Variants in PPP2R1B observed in about 807,000 individuals in gnomAD.
PPP2R1B encodes the protein serine/threonine-protein phosphatase 2A 65 kDa regulatory subunit A beta isoform.
A neutral mutation model predicts 72.7 loss-of-function variants in PPP2R1B; 58 were observed. The observed-to-expected ratio is 0.80, with a 90% CI of 0.65 to 0.99. The LOEUF is 0.99. Among genes scored for constraint, PPP2R1B ranks in the 50% least tolerant of loss-of-function variants. PPP2R1B has a pLI of 0.00. For missense variants in PPP2R1B, 695 were observed against 733.6 expected (o/e 0.95, Z 0.61); for synonymous variants, 256 against 264.6 (o/e 0.97, Z 0.32).
intron 8 of PPP2R1B, 65 bp downstream of exon 8, chr11:111,754,432 CAA>C (rs1261175188): frequency 6.5e-7 from 1 of 1,543,904 alleles, no homozygotes; most frequent in Non-Finnish European, 8.7e-7. Flanking sequence ...AACAAACAAA[CAA>C]AAATAATGAG....
Position 111,741,325 on chromosome 11 carries a change from G to A in PPP2R1B, c.*271C>T. 1 of 1,253,094 alleles carries A rather than the reference G, an allele frequency of 8.0e-7. No homozygotes were observed. Among genetic ancestry groups the A allele is most frequent in the Non-Finnish European group, 1.0e-6 (1 of 996,368 alleles). The allele number at this position is 1,253,094 out of a possible 1,614,324, so 77.6% of individuals were successfully genotyped here. On this transcript the variant is annotated 3_prime_UTR_variant, in exon 15 of 15. Coordinates refer to ENST00000527614, the MANE Select transcript of PPP2R1B (RefSeq NM_002716.5). ...ACAGTGAGGATGCAGGAGCCCAGGT[G>A]GTGATGGATAAAGCATTAGGAGACA...
At chr11:111,705,157 G>A in the PPP2R1B span, 4 of 1,546,830 alleles carry the variant, frequency 2.6e-6, no homozygotes, top group African/African-American at 4.3e-5. The surrounding 1 kb of genome is among the most constrained non-coding windows in gnomAD (Gnocchi z 4.3). Flanking sequence ...CCCCTTAGCT[G>A]AGAGTCTTAT....
At chr11:111,727,261 T>G in intron 15 of PPP2R1B, 1 of 596,006 alleles carries the variant, frequency 1.7e-6, no homozygotes. Flanking sequence ...ACCAGGGGAG[T>G]GGGGATGGGG....
At chr11:111,688,959 G>A in the PPP2R1B span, among the ~76,000 whole-genome samples, 755 of 152,274 alleles carry the variant, frequency 5.0e-3, 7 homozygotes, top group African/African-American at 0.017. The surrounding 1 kb of genome is among the most constrained non-coding windows in gnomAD (Gnocchi z 4.2). Flanking sequence ...CAAACTGCAT[G>A]GGAGTATAGG....
At chr11:111,722,558 T>C (rs1943834028), downstream of PPP2R1B, 1 of 1,054,072 alleles carries the variant, frequency 9.5e-7, no homozygotes, top group Non-Finnish European at 1.4e-6. This position sits in a 1 kb window ranked among gnomAD's most constrained non-coding sequence, Gnocchi z 4.4. Context: ...CCCGTGTGGA[T>C]TCTGTAGAAT....
the PPP2R1B span, among the ~76,000 whole-genome samples, chr11:111,711,577 T>C: frequency 1.3e-5 from 2 of 152,222 alleles, no homozygotes; most frequent in Non-Finnish European, 2.9e-5. Context: ...AGTAAGCTTC[T>C]CTCCTTCCAC....
At chr11:111,721,017 G>A in the PPP2R1B span, 430 of 1,614,068 alleles carry the variant, frequency 2.7e-4, 7 homozygotes, top group South Asian at 4.4e-3. Flanking sequence ...CTAACCTGGC[G>A]CCGGCGGCTC....
At position 111,752,155 on chromosome 11, in the gene PPP2R1B, T is replaced by C. The variant is rs1385283894; in HGVS notation, c.1338+4A>G. 1 of 1,603,380 alleles carries C rather than the reference T, an allele frequency of 6.2e-7. No homozygotes were observed. Among genetic ancestry groups the C allele is most frequent in the Non-Finnish European group, 8.5e-7 (1 of 1,175,550 alleles). On this transcript the variant is annotated splice_donor_region_variant and intron_variant, in intron 10 of 14. Coordinates refer to ENST00000527614, the MANE Select transcript of PPP2R1B (RefSeq NM_002716.5). ...CTGCAGTTCATGGAGCAACACATAC[T>C]CACCAGCTGGCCTGCCAGCAGCGGC... is the stretch of plus-strand genomic sequence containing the variant.
the PPP2R1B span, chr11:111,688,108 G>T: frequency 6.2e-7 from 1 of 1,614,044 alleles, no homozygotes; most frequent in Non-Finnish European, 8.5e-7. This position sits in a 1 kb window ranked among gnomAD's most constrained non-coding sequence, Gnocchi z 4.2. Flanking sequence ...TGTGCACCGT[G>T]ACCTCAAAGC....
chr11:111,765,918 CCTG>C, intron 1 of PPP2R1B: 2 of 514,866 alleles, frequency 3.9e-6, no homozygotes, highest in South Asian at 3.1e-5. Context: ...CCGCGCTTCT[CCTG>C]CTCCCTCGCC....
intron 3 of PPP2R1B, among the ~76,000 whole-genome samples, chr11:111,764,598 G>A (rs556016438): frequency 6.6e-6 from 1 of 151,850 alleles, no homozygotes; most frequent in African/African-American, 2.4e-5. Flanking sequence ...CAGAAAAGGA[G>A]GACGAAGTTC....
chr11:111,733,529 C>T (rs1171354523), downstream of PPP2R1B, among the ~76,000 whole-genome samples: 1 of 152,210 alleles, frequency 6.6e-6, no homozygotes, highest in African/African-American at 2.4e-5. Context: ...CAGCTCCTCA[C>T]TCCCCAAAAG....
chr11:111,760,226 A>G (rs1945274909), intron 4 of PPP2R1B, among the ~76,000 whole-genome samples: 1 of 152,232 alleles, frequency 6.6e-6, no homozygotes, highest in African/African-American at 2.4e-5. Context: ...ACTGGGCAAC[A>G]TAGCAAGACC....
At chr11:111,742,790 G>A in intron 12 of PPP2R1B, 125 bp from the exon 13 acceptor site, 1 of 829,896 alleles carries the variant, frequency 1.2e-6, no homozygotes, top group South Asian at 2.6e-5. Flanking sequence ...TTGAGCAGCT[G>A]AGTGGGGGAC....
At chr11:111,735,040 A>G (rs1944299188), downstream of PPP2R1B, among the ~76,000 whole-genome samples, 1 of 152,236 alleles carries the variant, frequency 6.6e-6, no homozygotes, top group African/African-American at 2.4e-5. Context: ...CTCAGGGCCC[A>G]AGGGACTCTC....
chr11:111,743,289 A>G, intron 12 of PPP2R1B, 87 bp downstream of exon 12: 3 of 1,286,248 alleles, frequency 2.3e-6, no homozygotes, highest in African/African-American at 1.5e-5. Flanking sequence ...TTCCAAATAG[A>G]AGACAGTATA....
At chr11:111,737,544 T>G (rs776851890), downstream of PPP2R1B, 1 of 1,614,236 alleles carries the variant, frequency 6.2e-7, no homozygotes, top group South Asian at 1.1e-5. Flanking sequence ...CAGGAAATTC[T>G]AGCTTCCTCA....
downstream of PPP2R1B, among the ~76,000 whole-genome samples, chr11:111,733,626 G>T (rs961102000): frequency 6.6e-6 from 1 of 152,090 alleles, no homozygotes; most frequent in African/African-American, 2.4e-5. Flanking sequence ...ATAGTTGGGG[G>T]TGGGACACAA....
the PPP2R1B span, chr11:111,720,931 C>A: frequency 6.2e-7 from 1 of 1,613,894 alleles, no homozygotes; most frequent in Admixed American, 1.7e-5. Context: ...TCTTCAGAAT[C>A]TGGCTAGAAC....
Sources: allele counts gnomAD v4.1 joint callset (sites outside exome capture counted in the v4.1 genomes callset), GRCh38; gene constraint gnomAD v4.1.1; non-coding constraint Gnocchi (gnomAD v3.1); transcripts MANE v1.5; gene names NCBI Gene and HGNC (gene_info 2026-07-23, HGNC 2026-07-21).